The following BTG4 variants were observed in gnomAD, a reference collection of about 807,000 sequenced individuals.
The protein encoded by BTG4 is protein BTG4.
Under a neutral mutation model 19.3 loss-of-function variants are expected in BTG4, and 10 were observed. The ratio of observed to expected loss-of-function variants is 0.52; its 90% CI spans 0.32 to 0.88. The LOEUF (loss-of-function observed/expected upper bound fraction) is 0.88. Among genes scored for constraint, BTG4 ranks in the 40% least tolerant of loss-of-function variants. The probability of loss-of-function intolerance (pLI) is 0.04; values close to 1 mark genes in which losing one functional copy is unlikely to be tolerated. For missense variants in BTG4, 238 were observed against 281.9 expected (o/e 0.84, Z 1.11); for synonymous variants, 91 against 95.7 (o/e 0.95, Z 0.29).
the BTG4 span, among the ~76,000 whole-genome samples, chr11:111,411,275 CCTT>C: frequency 6.6e-5 from 10 of 152,186 alleles, no homozygotes; most frequent in South Asian, 6.2e-4. Context: ...GCTCCTGTCT[CCTT>C]CTACTCTCCT....
intron 1 of BTG4, among the ~76,000 whole-genome samples, chr11:111,504,043 T>C (rs997768742): frequency 2.0e-5 from 3 of 152,146 alleles, no homozygotes; most frequent in Admixed American, 2.0e-4. Flanking sequence ...AGTCTTATCA[T>C]AACCCCATTT....
the BTG4 span, chr11:111,458,326 G>A: frequency 6.6e-6 from 1 of 152,394 alleles, no homozygotes; most frequent in African/African-American, 2.4e-5. Flanking sequence ...CAGGGACAGG[G>A]CTGCAGCCCT....
At chr11:111,454,575 C>T in the BTG4 span, among the ~76,000 whole-genome samples, 17,462 of 152,180 alleles carry the variant, frequency 0.11, 1,060 homozygotes, top group Middle Eastern at 0.18. Flanking sequence ...CCTAGGGCTT[C>T]GGACCAGTAA....
chr11:111,455,127 C>T, the BTG4 span: 3 of 450,482 alleles, frequency 6.7e-6, no homozygotes, highest in Admixed American at 7.1e-5. Flanking sequence ...GTCTCTGTGC[C>T]CAAACACAAC....
chr11:111,454,403 C>A, the BTG4 span: 1 of 433,058 alleles, frequency 2.3e-6, no homozygotes, highest in Non-Finnish European at 4.6e-6. Flanking sequence ...ACTGGAGGAA[C>A]ATGTGGGGCT....
At chr11:111,388,356 T>G in the BTG4 span, among the ~76,000 whole-genome samples, 1 of 151,724 alleles carries the variant, frequency 6.6e-6, no homozygotes, top group African/African-American at 2.4e-5. Context: ...TTTAATTTCA[T>G]GTGACATTGC....
the BTG4 span, among the ~76,000 whole-genome samples, chr11:111,456,219 C>T: frequency 7.5e-4 from 114 of 152,246 alleles, no homozygotes; most frequent in African/African-American, 2.6e-3. The surrounding 1 kb of genome is among the most constrained non-coding windows in gnomAD (Gnocchi z 4.2). Flanking sequence ...CTTGGGGTCT[C>T]GCAGGCCTGC....
At chr11:111,485,590 C>G (rs1461195519) in intron 5 of BTG4, among the ~76,000 whole-genome samples, 1 of 152,024 alleles carries the variant, frequency 6.6e-6, no homozygotes, top group Non-Finnish European at 1.5e-5. Context: ...TGGAATACAG[C>G]AAAAGCAGTA....
At chr11:111,483,019 G>T (rs577283082) in intron 5 of BTG4, among the ~76,000 whole-genome samples, 6 of 152,048 alleles carry the variant, frequency 3.9e-5, no homozygotes, top group Non-Finnish European at 8.8e-5. Context: ...TGGCCTAATA[G>T]AACCCTCTAG....
At chr11:111,422,292 G>A in the BTG4 span, among the ~76,000 whole-genome samples, 2 of 152,112 alleles carry the variant, frequency 1.3e-5, no homozygotes, top group African/African-American at 4.8e-5. Context: ...GATCATAGAG[G>A]TCCCCAGTAA....
At chr11:111,486,211 A>G (rs632372) in intron 5 of BTG4, among the ~76,000 whole-genome samples, 142,429 of 152,248 alleles carry the variant, frequency 0.94, 67,388 homozygotes, top group East Asian at 1. Context: ...CAAGGTGGGT[A>G]GATCACTTGA....
At chr11:111,455,814 G>A in the BTG4 span, 1 of 456,068 alleles carries the variant, frequency 2.2e-6, no homozygotes, top group Admixed American at 2.3e-5. Context: ...TGCTGCAGGA[G>A]GGCCACCGCC....
chr11:111,456,446 T>TC, the BTG4 span: 1 of 445,502 alleles, frequency 2.2e-6, no homozygotes, highest in Admixed American at 2.4e-5. The surrounding 1 kb of genome is among the most constrained non-coding windows in gnomAD (Gnocchi z 4.2). Flanking sequence ...GCCAAGGGAG[T>TC]CCCCGCATGT....
At chr11:111,409,846 T>C in the BTG4 span, among the ~76,000 whole-genome samples, 1 of 152,240 alleles carries the variant, frequency 6.6e-6, no homozygotes, top group African/African-American at 2.4e-5. Context: ...CTGAAACATT[T>C]TATGTAAGTT....
chr11:111,396,546 C>T, the BTG4 span, among the ~76,000 whole-genome samples: 1 of 152,206 alleles, frequency 6.6e-6, no homozygotes, highest in Admixed American at 6.5e-5. Flanking sequence ...GAGGGTCAGT[C>T]GACCTTCCCT....
At chr11:111,422,513 G>A in the BTG4 span, among the ~76,000 whole-genome samples, 10 of 152,264 alleles carry the variant, frequency 6.6e-5, no homozygotes, top group South Asian at 2.1e-4. Context: ...TCGCCCTAAT[G>A]CTCACATGGC....
the BTG4 span, among the ~76,000 whole-genome samples, chr11:111,411,888 A>G: frequency 6.6e-6 from 1 of 152,222 alleles, no homozygotes; most frequent in Non-Finnish European, 1.5e-5. Flanking sequence ...CATAAAATAA[A>G]TTCATTGAGG....
the BTG4 span, among the ~76,000 whole-genome samples, chr11:111,436,131 G>A: frequency 2.0e-5 from 3 of 152,098 alleles, no homozygotes; most frequent in Admixed American, 6.5e-5. Flanking sequence ...AGGAAGCAAG[G>A]GGCTCACAGA....
At chr11:111,480,899 A>T (rs1158747585) in intron 5 of BTG4, among the ~76,000 whole-genome samples, 2 of 151,294 alleles carry the variant, frequency 1.3e-5, no homozygotes, top group Non-Finnish European at 3.0e-5. Context: ...CTAGAAAAAG[A>T]GTAAAATAAA....
Sources: allele counts gnomAD v4.1 joint callset (sites outside exome capture counted in the v4.1 genomes callset), GRCh38; gene constraint gnomAD v4.1.1; non-coding constraint Gnocchi (gnomAD v3.1); transcripts MANE v1.5; gene names NCBI Gene and HGNC (gene_info 2026-07-23, HGNC 2026-07-21).